Variants in ATXN7L2 observed in about 807,000 individuals in gnomAD.
ATXN7L2 encodes ataxin 7 like 2, also known as ataxin-7-like protein 2.
Under a neutral mutation model 59.6 loss-of-function variants are expected in ATXN7L2, and 17 were observed. The observed-to-expected ratio is 0.29, with a 90% CI of 0.20 to 0.43. The LOEUF is 0.43. Among genes scored for constraint, ATXN7L2 ranks in the 20% least tolerant of loss-of-function variants. ATXN7L2 has a pLI of 1.00. For synonymous variants in ATXN7L2, 378 were observed against 392.5 expected, an observed-to-expected ratio of 0.96 and a Z score of 0.44; for missense variants, 858 against 1,008.9, an observed-to-expected ratio of 0.85 and a Z score of 2.03.
At position 109,486,626 on chromosome 1, in the gene ATXN7L2, G is replaced by T. The variant is rs1402417040; in HGVS notation, c.298+16G>T. 6.2e-7 allele frequency: 1 copy of T among 1,603,314 alleles called. No individual in the cohort carries two copies. Among genetic ancestry groups the T allele is most frequent in the East Asian group, 2.2e-5 (1 of 44,808 alleles). ...AAGCACTGCGGTGAGGGGAGCCCTA[G>T]GGAGGAGATAAAGGGACAGGGGAAG... On this transcript the variant is annotated intron_variant, in intron 3 of 10. Transcript: ENST00000683729. This position sits in a 1 kb window ranked among gnomAD's most constrained non-coding sequence, Gnocchi z 4.3.
chr1:109,492,243 A>T, intron 10 of ATXN7L2: 1 of 539,146 alleles, frequency 1.9e-6, no homozygotes, highest in Non-Finnish European at 2.6e-6. Flanking sequence ...GGTTTCCAGT[A>T]AAGCCTGCAG....
intron 10 of ATXN7L2, chr1:109,492,086 T>C (rs968148168): frequency 5.9e-5 from 63 of 1,075,676 alleles, no homozygotes; most frequent in Non-Finnish European, 7.1e-5. Flanking sequence ...GGTCACAGCC[T>C]AACATGCCGA....
At chr1:109,487,437 A>G in intron 4 of ATXN7L2, 81 bp from the exon 5 acceptor site, 1 of 1,353,828 alleles carries the variant, frequency 7.4e-7, no homozygotes, top group Non-Finnish European at 9.7e-7. Context: ...GCTGGGAAAG[A>G]GATGGCTCTG....
rs766154966 is a variant in ATXN7L2 at position 109,490,147 on chromosome 1, G to A, written c.1332+19G>A. The stretch of plus-strand genomic sequence containing the variant: ...ACAGGCGGTAAGGACCTGGAATAGG[G>A]GCCTATGGAGGGGGTGGCCCAGCAC... On this transcript the variant is annotated intron_variant, in intron 8 of 10. Coordinates refer to ENST00000683729, the MANE Select transcript of ATXN7L2 (RefSeq NM_001350175.2). 1.3e-6 allele frequency: 2 copies of A among 1,563,894 alleles called. No homozygotes were observed. Among genetic ancestry groups the A allele is most frequent in the South Asian group, 1.2e-5 (1 of 82,332 alleles).
intron 1 of ATXN7L2, chr1:109,485,177 G>A (rs1466395144): frequency 3.9e-6 from 3 of 771,586 alleles, no homozygotes; most frequent in Non-Finnish European, 3.1e-6. Context: ...ATTGAGAACC[G>A]GAAATGGAGT....
intron 7 of ATXN7L2, 31 bp downstream of exon 7, chr1:109,489,131 TG>T: frequency 6.3e-7 from 1 of 1,589,996 alleles, no homozygotes; most frequent in Non-Finnish European, 8.6e-7. Context: ...CTACCTCACC[TG>T]GGGGTACTTG....
Position 109,483,994 on chromosome 1 carries a change from TG to T in ATXN7L2, c.43del (p.Glu15SerfsTer45). The T allele has an allele frequency of 7.0e-7, 1 of 1,424,984 alleles. No homozygotes were observed. Among genetic ancestry groups the T allele is most frequent in the Admixed American group, 2.3e-5 (1 of 44,346 alleles). 88.3% of individuals were successfully genotyped at this position (1,424,984 alleles called of 1,614,324 possible). ...RERAAAAMAALERRVPSLDDF... is the reference protein window; with the variant it reads ...RERAAAAMAAXERRVPSLDDF... Reference sequence around the variant, plus strand: ...CGCGCGGCGGCAGCAATGGCCGCTCTGGAGCGGCGGGTGCCGAGTCTCGATG... The same window carrying T: ...CGCGCGGCGGCAGCAATGGCCGCTCTGAGCGGCGGGTGCCGAGTCTCGATG... On this transcript the variant is annotated frameshift_variant, in exon 1 of 11. Transcript: ENST00000683729. LOFTEE classifies it high-confidence loss of function.
rs748360783 is a variant in ATXN7L2, at chr1:109,491,087, C to T, written c.1620C>T (p.Ser540=). The change falls in exon 10 of 11, where the codon AGC becomes AGT. Residue 540 remains serine, a synonymous_variant. Coordinates refer to ENST00000683729, the MANE Select transcript of ATXN7L2 (RefSeq NM_001350175.2). The surrounding 1 kb of genome is among the most constrained non-coding windows in gnomAD (Gnocchi z 4.1). ...CCACCAAGGACAACCTTGTCCCCAG[C>T]TACCCTGCAGGCTCCCCCAGCGTGG... is the stretch of plus-strand genomic sequence containing the variant. ...MPPTKDNLVP[S]YPAGSPSVAA... is the part of the protein sequence containing the mutation. 1.2e-6 allele frequency: 2 copies of T among 1,613,630 alleles called. No individual in the cohort carries two copies. The highest frequency in any genetic ancestry group is 1.7e-6 in the Non-Finnish European group (2 of 1,180,008).
intron 1 of ATXN7L2, 97 bp downstream of exon 1, chr1:109,484,177 G>T: frequency 2.6e-6 from 3 of 1,175,040 alleles, no homozygotes; most frequent in Non-Finnish European, 2.1e-6. Flanking sequence ...GACTGGAGCC[G>T]CCGTCCGGCT....
At chr1:109,489,704 G>A in intron 7 of ATXN7L2, 1 of 581,000 alleles carries the variant, frequency 1.7e-6, no homozygotes. Context: ...AAGGGGCTGG[G>A]AGGTGAAGGG....
At position 109,490,077 on chromosome 1, in the gene ATXN7L2, C is replaced by T. The variant is rs1236041818; in HGVS notation, c.1281C>T (p.Leu427=). The change falls in exon 8 of 11, where the codon CTC becomes CTT. Residue 427 remains leucine, a synonymous_variant. Transcript: ENST00000683729. ...AGGAGGAGGGGACATCTGACGACCT[C>T]CACCCACCCCCTGACTGCCATTATG... is the stretch of plus-strand genomic sequence containing the variant. ...ESEEEGTSDD[L]HPPPDCHYAT... 1.3e-6 allele frequency: 2 copies of T among 1,598,618 alleles called. No homozygotes were observed. The highest frequency in any genetic ancestry group is 2.7e-5 in the African/African-American group (2 of 74,440).
At position 109,487,514 on chromosome 1, in the gene ATXN7L2, G is replaced by A; in HGVS notation, c.510-4G>A. The A allele has an allele frequency of 6.7e-7, 1 of 1,501,162 alleles. No individual in the cohort carries two copies. Among genetic ancestry groups the A allele is most frequent in the Non-Finnish European group, 8.9e-7 (1 of 1,127,424 alleles). The allele number at this position is 1,501,162 out of a possible 1,614,324, so 93.0% of individuals were successfully genotyped here. A position where few individuals can be genotyped will look rare whatever the true frequency, so the allele number is the denominator to read the frequency against. On this transcript the variant is annotated splice_polypyrimidine_tract_variant and splice_region_variant and intron_variant, in intron 4 of 10. Coordinates refer to ENST00000683729, the MANE Select transcript of ATXN7L2 (RefSeq NM_001350175.2). ...CTCAGCCAACCCCCTCTCTCTGTGT[G>A]TAGCCTTTTCGTGCCTGTGGTGAAT...
chr1:109,487,604 C>A lies in ATXN7L2; in HGVS notation c.596C>A (p.Ala199Asp). 6.3e-7 allele frequency: 1 copy of A among 1,581,786 alleles called. No homozygotes were observed. Among genetic ancestry groups the A allele is most frequent in the Non-Finnish European group, 8.6e-7 (1 of 1,164,698 alleles). ...GHGIRVAPPS[A>D]FLSQPGGLTK... ...GGAATCAGGGTGGCCCCACCCTCTG[C>A]TTTTCTCAGCCAGCCAGGGGGCCTC... is the stretch of plus-strand genomic sequence containing the variant. Residue 199 changes from alanine to aspartate, a missense_variant, in exon 5 of 11, where the codon GCT becomes GAT. By Grantham distance (126) the Ala-to-Asp change is moderately radical. Around this residue, in one of 3 missense-constraint regions of ATXN7L2, gnomAD observed 734 missense variants for 862.3 expected, o/e 0.85. Transcript: ENST00000683729.
In ATXN7L2 at chr1:109,491,933, C is replaced by A; in HGVS notation, c.2250+216C>A. ...ACCTTCCCCTATCCCTAACCCTTTCCCTTGGGCTGAGGAGATGCGGCACCC... is the reference window on the plus strand; with the variant it reads ...ACCTTCCCCTATCCCTAACCCTTTCACTTGGGCTGAGGAGATGCGGCACCC... On this transcript the variant is annotated intron_variant, in intron 10 of 10. Transcript: ENST00000683729. This position sits in a 1 kb window ranked among gnomAD's most constrained non-coding sequence, Gnocchi z 4.1. 1 of 1,225,552 alleles carries A rather than the reference C, an allele frequency of 8.2e-7. No homozygotes were observed. Among genetic ancestry groups the A allele is most frequent in the Non-Finnish European group, 1.1e-6 (1 of 933,968 alleles). 75.9% of individuals were successfully genotyped at this position (1,225,552 alleles called of 1,614,324 possible). A position where few individuals can be genotyped will look rare whatever the true frequency, so the allele number is the denominator to read the frequency against.
chr1:109,487,698 C>T lies in ATXN7L2; in HGVS notation c.690C>T (p.Ile230=), dbSNP rs369959556. The change falls in exon 5 of 11, where the codon ATC becomes ATT. Residue 230 remains isoleucine (I), a synonymous_variant. Transcript: ENST00000683729. ...PSKEPPGREN[I]EIIPSEGSSH... ...AAGAACCTCCTGGCAGAGAGAACAT[C>T]GAGATCATCCCCAGTGAGGGGTCCA... The T allele has an allele frequency of 7.9e-5, 127 of 1,613,490 alleles. No homozygotes were observed. The Middle Eastern group carries it at 9.9e-4, about 13-fold the overall frequency.
chr1:109,485,163 G>C (rs1656484525), intron 1 of ATXN7L2: 1 of 661,648 alleles, frequency 1.5e-6, no homozygotes, highest in Non-Finnish European at 1.9e-6. Context: ...CAGGGTCTGG[G>C]TGCATTGAGA....
At position 109,488,751 on chromosome 1, in the gene ATXN7L2, CTGCCCCCCAACT is replaced by C. The variant is rs908334576; in HGVS notation, c.880-90_880-79del. 17 of 1,435,740 alleles carry C rather than the reference CTGCCCCCCAACT, an allele frequency of 1.2e-5. No homozygotes were observed. In the African/African-American group the frequency reaches 2.4e-4, roughly 20 times the overall value. 88.9% of individuals were successfully genotyped at this position (1,435,740 alleles called of 1,614,324 possible). A position where few individuals can be genotyped will look rare whatever the true frequency, so the allele number is the denominator to read the frequency against. ...GCTGCAAATATGCCCACCTCTCTCC[CTGCCCCCCAACT>C]TGCCCGGGCCAAAGCACCCTGCCGT... On this transcript the variant is annotated intron_variant, in intron 6 of 10. Coordinates refer to ENST00000683729, the MANE Select transcript of ATXN7L2 (RefSeq NM_001350175.2). The surrounding 1 kb of genome is among the most constrained non-coding windows in gnomAD (Gnocchi z 5.0).
rs770910741 is a variant in ATXN7L2 at position 109,487,744 on chromosome 1, C to T, written c.736C>T (p.Pro246Ser). The change falls in exon 5 of 11, where the codon CCT (proline) becomes TCT (serine). Residue 246 changes from proline to serine, a missense_variant. Pro to Ser is a moderately conservative substitution (Grantham distance 74). Around this residue, in one of 3 missense-constraint regions of ATXN7L2, gnomAD observed 734 missense variants for 862.3 expected, o/e 0.85. Transcript: ENST00000683729. ...GTCCAGTCACTGGGCTGAAGGCAGCCCTCCTGAAAAGGAGCCCAGTGGGAC... is the reference window on the plus strand; with the variant it reads ...GTCCAGTCACTGGGCTGAAGGCAGCTCTCCTGAAAAGGAGCCCAGTGGGAC... The part of the protein sequence containing the change: ...EGSSHWAEGS[P>S]PEKEPSGTRL... 2 of 1,612,394 alleles carry T rather than the reference C, an allele frequency of 1.2e-6. No individual in the cohort carries two copies. Among genetic ancestry groups the T allele is most frequent in the Admixed American group, 1.7e-5 (1 of 59,780 alleles).
Position 109,484,005 on chromosome 1 carries a change from G to T in ATXN7L2, c.52G>T (p.Val18Leu). Reference sequence around the variant, plus strand: ...AGCAATGGCCGCTCTGGAGCGGCGGGTGCCGAGTCTCGATGACTTCGCGGG... The same window carrying T: ...AGCAATGGCCGCTCTGGAGCGGCGGTTGCCGAGTCTCGATGACTTCGCGGG... ...AAAMAALERR[V>L]PSLDDFAGQS... Residue 18 changes from valine (V) to leucine (L), a missense_variant, in exon 1 of 11, where the codon GTG becomes TTG. By Grantham distance (32) the Val-to-Leu change is conservative. Transcript: ENST00000683729. The T allele has an allele frequency of 7.2e-7, 1 of 1,393,988 alleles. No homozygotes were observed. Among genetic ancestry groups the T allele is most frequent in the Non-Finnish European group, 9.4e-7 (1 of 1,062,976 alleles). The allele number at this position is 1,393,988 out of a possible 1,614,324, so 86.4% of individuals were successfully genotyped here.
Sources: allele counts gnomAD v4.1 joint callset, GRCh38; gene constraint gnomAD v4.1.1; regional missense constraint gnomAD v4.1.1; non-coding constraint Gnocchi (gnomAD v3.1); transcripts MANE v1.5; gene names NCBI Gene and HGNC (gene_info 2026-07-23, HGNC 2026-07-21).